Variants in ENTREP2 observed in about 807,000 individuals in gnomAD.
ENTREP2 encodes the protein protein ENTREP2.
the ENTREP2 span, among the ~76,000 whole-genome samples, chr15:29,620,855 A>T: frequency 6.6e-6 from 1 of 152,058 alleles, no homozygotes; most frequent in South Asian, 2.1e-4. Flanking sequence ...AGAAAGGAAG[A>T]ACAAATCCCT....
chr15:29,279,623 A>G, the ENTREP2 span, among the ~76,000 whole-genome samples: 4 of 152,126 alleles, frequency 2.6e-5, no homozygotes. Context: ...TTGGCCTCCC[A>G]AAGTGCTGGG....
chr15:29,225,307 T>G, the ENTREP2 span, among the ~76,000 whole-genome samples: 1 of 152,196 alleles, frequency 6.6e-6, no homozygotes, highest in Non-Finnish European at 1.5e-5. Context: ...TGCTGTCACC[T>G]CTCAGAAGCA....
At chr15:29,269,762 T>C in the ENTREP2 span, 4,649 of 1,400,910 alleles carry the variant, frequency 3.3e-3, 148 homozygotes, top group African/African-American at 0.062. Context: ...GCGGCGGGGA[T>C]TGCGGGTCGG....
At chr15:29,425,883 G>T in the ENTREP2 span, among the ~76,000 whole-genome samples, 28 of 151,626 alleles carry the variant, frequency 1.8e-4, no homozygotes, top group Non-Finnish European at 4.0e-4. Context: ...CCACATTAGT[G>T]TCAACAATTC....
At chr15:29,117,737 C>CTATTAT in the ENTREP2 span, 4 of 154,246 alleles carry the variant, frequency 2.6e-5, no homozygotes, top group African/African-American at 9.7e-5. Context: ...TATTTAGATG[C>CTATTAT]TATTATTACT....
At chr15:29,216,511 T>A in the ENTREP2 span, among the ~76,000 whole-genome samples, 3 of 152,286 alleles carry the variant, frequency 2.0e-5, no homozygotes, top group African/African-American at 7.2e-5. Context: ...GATATCTAGG[T>A]CTCTAGCAAG....
chr15:29,373,296 G>A, the ENTREP2 span, among the ~76,000 whole-genome samples: 2 of 152,122 alleles, frequency 1.3e-5, no homozygotes, highest in Non-Finnish European at 2.9e-5. Flanking sequence ...TTAATAATTT[G>A]GTTCAATATA....
chr15:29,305,526 T>A, the ENTREP2 span, among the ~76,000 whole-genome samples: 262 of 152,288 alleles, frequency 1.7e-3, 1 homozygote, highest in African/African-American at 6.0e-3. Context: ...GGACCCTGGA[T>A]ATACTACGAA....
chr15:29,594,842 G>A, the ENTREP2 span, among the ~76,000 whole-genome samples: 1 of 151,762 alleles, frequency 6.6e-6, no homozygotes, highest in Non-Finnish European at 1.5e-5. Flanking sequence ...CGAGGCGGGC[G>A]GATCACGAGG....
At chr15:29,600,644 G>T in the ENTREP2 span, among the ~76,000 whole-genome samples, 1 of 152,084 alleles carries the variant, frequency 6.6e-6, no homozygotes, top group Non-Finnish European at 1.5e-5. Flanking sequence ...TAATTTATTT[G>T]ATTCTTTTGT....
chr15:29,320,617 G>C, the ENTREP2 span, among the ~76,000 whole-genome samples: 4 of 152,180 alleles, frequency 2.6e-5, no homozygotes, highest in Admixed American at 1.3e-4. Flanking sequence ...TATGCTAAGG[G>C]CTGCAATGGG....
the ENTREP2 span, among the ~76,000 whole-genome samples, chr15:29,337,402 C>A: frequency 1.3e-5 from 2 of 152,140 alleles, no homozygotes; most frequent in Non-Finnish European, 2.9e-5. Flanking sequence ...GGGAGGGCTG[C>A]CTGCCTTTTT....
the ENTREP2 span, among the ~76,000 whole-genome samples, chr15:29,653,519 G>C: frequency 6.6e-6 from 1 of 152,142 alleles, no homozygotes; most frequent in South Asian, 2.1e-4. Context: ...CCCCAATGCT[G>C]TTCTCATCAT....
At chr15:29,472,421 AACACACAAC>A in the ENTREP2 span, among the ~76,000 whole-genome samples, 17 of 135,028 alleles carry the variant, frequency 1.3e-4, 1 homozygote, top group South Asian at 4.0e-3. Context: ...ACACACACAC[AACACACAAC>A]ACACACACAC....
chr15:29,379,862 G>A, the ENTREP2 span, among the ~76,000 whole-genome samples: 34 of 152,236 alleles, frequency 2.2e-4, no homozygotes, highest in African/African-American at 5.5e-4. Context: ...TGCGGAAGGC[G>A]GCTTTTCCTT....
the ENTREP2 span, chr15:29,196,366 C>T: frequency 6.6e-7 from 1 of 1,517,512 alleles, no homozygotes; most frequent in African/African-American, 1.4e-5. Flanking sequence ...GTTAATAAGG[C>T]TTCCTAAACT....
the ENTREP2 span, among the ~76,000 whole-genome samples, chr15:29,416,133 T>C: frequency 6.6e-6 from 1 of 152,128 alleles, no homozygotes; most frequent in African/African-American, 2.4e-5. Flanking sequence ...CTTCACAGAA[T>C]TGGAAAAAAC....
the ENTREP2 span, among the ~76,000 whole-genome samples, chr15:29,570,955 C>A: frequency 6.9e-6 from 1 of 144,920 alleles, no homozygotes; most frequent in East Asian, 2.0e-4. Flanking sequence ...GCCGCCCGCC[C>A]GCCGGCCGCG....
At chr15:29,352,799 C>T in the ENTREP2 span, among the ~76,000 whole-genome samples, 5 of 152,248 alleles carry the variant, frequency 3.3e-5, no homozygotes, top group Non-Finnish European at 7.3e-5. Flanking sequence ...TTATCAACTT[C>T]CCTTCAGACA....
Sources: gnomAD v4.1 joint callset for allele counts (sites outside exome capture counted in the v4.1 genomes callset) on GRCh38, gnomAD v4.1.1 for gene constraint, MANE v1.5 for transcripts, NCBI Gene and HGNC (gene_info 2026-07-23, HGNC 2026-07-21) for gene names.